PLXNA2: variants seen among roughly 807,000 people sequenced by gnomAD.
PLXNA2 encodes plexin-A2.
A neutral mutation model predicts 193.5 loss-of-function variants in PLXNA2; 91 were observed. The observed-to-expected ratio is 0.47, with a 90% CI of 0.40 to 0.56. The LOEUF is 0.56. Among genes scored for constraint, PLXNA2 ranks in the 20% least tolerant of loss-of-function variants. The pLI is 0.00. For synonymous variants in PLXNA2, 997 were observed against 1,027.3 expected, an observed-to-expected ratio of 0.97 and a Z score of 0.56; for missense variants, 1,995 against 2,503.2, an observed-to-expected ratio of 0.80 and a Z score of 4.33.
intron 3 of PLXNA2, among the ~76,000 whole-genome samples, chr1:208,182,453 AAGAC>A (rs1318462859): frequency 6.6e-6 from 1 of 152,070 alleles, no homozygotes; most frequent in Non-Finnish European, 1.5e-5. Context: ...AAAAGAAAGA[AAGAC>A]AGAAAAAAGA....
At chr1:208,185,715 A>AAAAAAAG (rs1441068837) in intron 3 of PLXNA2, among the ~76,000 whole-genome samples, 1 of 66,404 alleles carries the variant, frequency 1.5e-5, no homozygotes, top group South Asian at 3.8e-4. Context: ...AAAAAAAAAA[A>AAAAAAAG]AAAGGAAAAA....
chr1:208,130,043 T>A (rs1668099535), intron 4 of PLXNA2, among the ~76,000 whole-genome samples: 1 of 152,212 alleles, frequency 6.6e-6, no homozygotes, highest in Non-Finnish European at 1.5e-5. Context: ...GTCAGCCTTC[T>A]CATCACCTGG....
chr1:208,208,070 A>G (rs1670795626), intron 3 of PLXNA2, among the ~76,000 whole-genome samples: 1 of 152,270 alleles, frequency 6.6e-6, no homozygotes, highest in African/African-American at 2.4e-5. Context: ...ATAGATGCCA[A>G]GCAGCCCCTA....
chr1:208,031,776 GGA>G lies in PLXNA2; in HGVS notation c.5056-19_5056-18del. The G allele has an allele frequency of 6.3e-7, 1 of 1,583,158 alleles. No individual in the cohort carries two copies. The highest frequency in any genetic ancestry group is 8.6e-7 in the Non-Finnish European group (1 of 1,160,930). On this transcript the variant is annotated intron_variant, in intron 28 of 31. Transcript: ENST00000367033. ...CAGGGTGCCCTGGAGGAGGGGTGGG[GGA>G]GAGTAAGATGGAGGGGGGTGACGGC...
chr1:208,233,461 G>A (rs992997453), intron 1 of PLXNA2, among the ~76,000 whole-genome samples: 13 of 152,330 alleles, frequency 8.5e-5, no homozygotes, highest in African/African-American at 2.9e-4. Flanking sequence ...CCCAGGGACT[G>A]CACAGTTGGT....
chr1:208,134,028 G>T (rs1351724158), intron 4 of PLXNA2, among the ~76,000 whole-genome samples: 2 of 152,194 alleles, frequency 1.3e-5, no homozygotes, highest in African/African-American at 2.4e-5. Flanking sequence ...AAGGATTAGA[G>T]AGTCTCCAAC....
intron 4 of PLXNA2, among the ~76,000 whole-genome samples, chr1:208,119,121 T>C (rs1365787587): frequency 6.6e-6 from 1 of 152,208 alleles, no homozygotes; most frequent in African/African-American, 2.4e-5. Flanking sequence ...TCAATACTGC[T>C]ATTTAGTGAC....
intron 4 of PLXNA2, among the ~76,000 whole-genome samples, chr1:208,121,393 T>C (rs1005533929): frequency 6.6e-6 from 1 of 152,214 alleles, no homozygotes; most frequent in Non-Finnish European, 1.5e-5. Flanking sequence ...AAAAGAATAC[T>C]GATATGGTTT....
intron 4 of PLXNA2, among the ~76,000 whole-genome samples, chr1:208,118,604 G>T (rs1667712358): frequency 6.6e-6 from 1 of 152,142 alleles, no homozygotes; most frequent in Non-Finnish European, 1.5e-5. Context: ...TTAGTGTGGG[G>T]ACTGTTCAAA....
At chr1:208,240,749 T>G (rs543302300) in intron 1 of PLXNA2, among the ~76,000 whole-genome samples, 1 of 121,050 alleles carries the variant, frequency 8.3e-6, no homozygotes, top group South Asian at 3.0e-4. Context: ...CCAGTCTCTT[T>G]ATGATCAGAA....
chr1:208,135,826 C>T (rs1364681301), intron 4 of PLXNA2, among the ~76,000 whole-genome samples: 3 of 152,148 alleles, frequency 2.0e-5, no homozygotes, highest in Admixed American at 6.5e-5. Flanking sequence ...AATGTGTGTT[C>T]ATGGACCACA....
intron 3 of PLXNA2, among the ~76,000 whole-genome samples, chr1:208,207,456 G>A (rs540943525): frequency 2.6e-5 from 4 of 152,292 alleles, no homozygotes; most frequent in African/African-American, 9.6e-5. Flanking sequence ...ACATAAGAGC[G>A]CCCTGTGGTC....
intron 4 of PLXNA2, among the ~76,000 whole-genome samples, chr1:208,122,617 G>A (rs1667839382): frequency 2.6e-5 from 4 of 152,070 alleles, no homozygotes; most frequent in South Asian, 4.1e-4. Context: ...TAGGGTTAAG[G>A]AAAGCCCGTG....
chr1:208,030,841 G>T, intron 29 of PLXNA2: 2 of 985,406 alleles, frequency 2.0e-6, no homozygotes, highest in Non-Finnish European at 2.4e-6. Flanking sequence ...GGTCCTGTCT[G>T]ACCTGAAAGC....
intron 4 of PLXNA2, among the ~76,000 whole-genome samples, chr1:208,103,498 T>C (rs577494790): frequency 6.6e-6 from 1 of 152,322 alleles, no homozygotes; most frequent in South Asian, 2.1e-4. Flanking sequence ...AAAGGCTCCA[T>C]CTATTTCTGC....
chr1:208,075,785 A>T (rs1666127651), intron 12 of PLXNA2, among the ~76,000 whole-genome samples: 1 of 152,106 alleles, frequency 6.6e-6, no homozygotes, highest in African/African-American at 2.4e-5. Flanking sequence ...TTGGCCAGGC[A>T]TGGTGACTCA....
intron 9 of PLXNA2, among the ~76,000 whole-genome samples, chr1:208,087,015 G>A (rs1031697526): frequency 7.6e-6 from 1 of 132,046 alleles, no homozygotes; most frequent in African/African-American, 2.7e-5. Context: ...GAGAGAGAGA[G>A]ACAGACAGAC....
At chr1:208,204,072 T>C (rs1440804849) in intron 3 of PLXNA2, among the ~76,000 whole-genome samples, 2 of 152,130 alleles carry the variant, frequency 1.3e-5, no homozygotes, top group African/African-American at 4.8e-5. Flanking sequence ...AGACCTTGGG[T>C]TGGTATGTCC....
rs529641192 is a variant in PLXNA2 at position 208,031,162 on chromosome 1, A to G, written c.5225+428T>C. The G allele has an allele frequency of 7.0e-6, 7 of 1,005,354 alleles. No individual in the cohort carries two copies. The African/African-American group carries it at 1.0e-4, about 15-fold the overall frequency. 62.3% of individuals were successfully genotyped at this position (1,005,354 alleles called of 1,614,324 possible). On this transcript the variant is annotated intron_variant, in intron 29 of 31. Transcript: ENST00000367033. Reference sequence around the variant, plus strand: ...TCTCAGTTTAATTCAGGGATTCCCCATCTCAGGAAGTGCCTTAGAACTGCC... The same window carrying G: ...TCTCAGTTTAATTCAGGGATTCCCCGTCTCAGGAAGTGCCTTAGAACTGCC...
Sources: allele counts gnomAD v4.1 joint callset (sites outside exome capture counted in the v4.1 genomes callset), GRCh38; gene constraint gnomAD v4.1.1; transcripts MANE v1.5; gene names NCBI Gene and HGNC (gene_info 2026-07-23, HGNC 2026-07-21).